ITGA4: variants seen among roughly 807,000 people sequenced by gnomAD.
ITGA4 encodes the protein integrin subunit alpha 4, also known as integrin alpha-4.
ITGA4 carries 63 observed loss-of-function variants against 133.6 expected under a neutral mutation model. The ratio of observed to expected loss-of-function variants is 0.47; its 90% CI spans 0.38 to 0.58. The LOEUF (loss-of-function observed/expected upper bound fraction) is 0.58. Among genes scored for constraint, ITGA4 ranks in the 20% least tolerant of loss-of-function variants. The probability of loss-of-function intolerance (pLI) is 0.00; values close to 1 mark genes in which losing one functional copy is unlikely to be tolerated. For synonymous variants in ITGA4, 483 were observed against 438.0 expected (o/e 1.10, Z -1.28); for missense variants, 1,076 against 1,252.7 (o/e 0.86, Z 2.13).
At position 181,516,835 on chromosome 2, in the gene ITGA4, G is replaced by A. The variant is rs755212205; in HGVS notation, c.1922+5060G>A. On this transcript the variant is annotated intron_variant, in intron 17 of 27. Transcript: ENST00000397033. This position sits in a 1 kb window ranked among gnomAD's most constrained non-coding sequence, Gnocchi z 4.0. ...AAGGAGCAACATCTGCCACCATGCTGTTAATTCCCGAAAGAGCTAGTGTGA... is the reference window on the plus strand; with the variant it reads ...AAGGAGCAACATCTGCCACCATGCTATTAATTCCCGAAAGAGCTAGTGTGA... 2.0e-5 allele frequency among the ~76,000 whole-genome samples: 3 copies of A among 152,022 alleles called. No homozygotes were observed. The highest frequency in any genetic ancestry group is 4.4e-5 in the Non-Finnish European group (3 of 67,990).
chr2:181,538,058 T>C lies in ITGA4; in HGVS notation c.*2531T>C, dbSNP rs776550772. Reference sequence around the variant, plus strand: ...AGTTCATCCTGAAACCATTCCCCCATCCACGGAAAAATTGTCTTCCATGAA... The same window carrying C: ...AGTTCATCCTGAAACCATTCCCCCACCCACGGAAAAATTGTCTTCCATGAA... On this transcript the variant is annotated 3_prime_UTR_variant, in exon 28 of 28. Coordinates refer to ENST00000397033, the MANE Select transcript of ITGA4 (RefSeq NM_000885.6). 2.8e-6 allele frequency: 2 copies of C among 710,250 alleles called. No homozygotes were observed. 44.0% of individuals were successfully genotyped at this position (710,250 alleles called of 1,614,324 possible).
chr2:181,495,658 T>C lies in ITGA4; in HGVS notation c.1386-125T>C. On this transcript the variant is annotated intron_variant, in intron 13 of 27. Coordinates refer to ENST00000397033, the MANE Select transcript of ITGA4 (RefSeq NM_000885.6). This position sits in a 1 kb window ranked among gnomAD's most constrained non-coding sequence, Gnocchi z 4.3. ...GCCCTGTGCACAGAAATGTAATTAGTATGTACACACATAATAAGACTCATG... is the reference window on the plus strand; with the variant it reads ...GCCCTGTGCACAGAAATGTAATTAGCATGTACACACATAATAAGACTCATG... 1.3e-6 allele frequency: 1 copy of C among 789,288 alleles called. No individual in the cohort carries two copies. Among genetic ancestry groups the C allele is most frequent in the Non-Finnish European group, 2.0e-6 (1 of 492,614 alleles). 48.9% of individuals were successfully genotyped at this position (789,288 alleles called of 1,614,324 possible). A position where few individuals can be genotyped will look rare whatever the true frequency, so the allele number is the denominator to read the frequency against.
intron 26 of ITGA4, 126 bp downstream of exon 26, chr2:181,534,496 C>T (rs530049016): frequency 3.0e-6 from 2 of 672,326 alleles, no homozygotes; most frequent in South Asian, 3.8e-5. Flanking sequence ...TGGAGGGCCC[C>T]CAATACTTGG....
intron 5 of ITGA4, 145 bp from the exon 6 acceptor site, chr2:181,479,991 TC>T: frequency 8.6e-6 from 4 of 467,414 alleles, no homozygotes; most frequent in Non-Finnish European, 1.4e-5. Context: ...TTTTTTTTTT[TC>T]CTAGTATGTT....
intron 20 of ITGA4, among the ~76,000 whole-genome samples, chr2:181,524,792 T>G (rs1489117853): frequency 6.6e-6 from 1 of 152,126 alleles, no homozygotes; most frequent in Admixed American, 6.5e-5. Context: ...GTTTAAAAAA[T>G]TATATGATTG....
intron 15 of ITGA4, chr2:181,498,998 C>T (rs1008330273): frequency 1.5e-4 from 76 of 514,682 alleles, no homozygotes; most frequent in Non-Finnish European, 1.7e-4. Context: ...TCACATTTGA[C>T]CTCATCATTT....
chr2:181,503,794 A>C (rs1166602030), intron 15 of ITGA4, among the ~76,000 whole-genome samples: 2 of 145,760 alleles, frequency 1.4e-5, no homozygotes, highest in African/African-American at 5.1e-5. Context: ...TCCTCTATGA[A>C]AAGATGTTTC....
chr2:181,458,487 C>T, intron 2 of ITGA4, 170 bp downstream of exon 2: 1 of 700,972 alleles, frequency 1.4e-6, no homozygotes, highest in South Asian at 1.9e-5. Context: ...AAAAGGGATT[C>T]CCTTTCTGTT....
At chr2:181,467,504 C>T (rs549349354) in intron 2 of ITGA4, among the ~76,000 whole-genome samples, 1 of 152,190 alleles carries the variant, frequency 6.6e-6, no homozygotes, top group Admixed American at 6.5e-5. Context: ...GAAAGAAGAC[C>T]TTAGAGTCTG....
Position 181,511,787 on chromosome 2 carries a change from TG to T in ITGA4, c.1922+14del. The T allele has an allele frequency of 7.6e-7, 1 of 1,312,978 alleles. No individual in the cohort carries two copies. Among genetic ancestry groups the T allele is most frequent in the Non-Finnish European group, 1.1e-6 (1 of 909,716 alleles). 81.3% of individuals were successfully genotyped at this position (1,312,978 alleles called of 1,614,324 possible). ...ATTGGGTTTTTGAAGTAAGTATATG[TG>T]GTATATAGTCTCTGTTATTCATCGA... is the stretch of plus-strand genomic sequence containing the variant. On this transcript the variant is annotated intron_variant, in intron 17 of 27. Transcript: ENST00000397033.
At chr2:181,494,956 C>A in intron 12 of ITGA4, 144 bp downstream of exon 12, 1 of 587,066 alleles carries the variant, frequency 1.7e-6, no homozygotes, top group Non-Finnish European at 3.0e-6. Context: ...CTCCTTAATT[C>A]ATTCCTAAAA....
At chr2:181,458,540 C>CT in intron 2 of ITGA4, 1 of 563,322 alleles carries the variant, frequency 1.8e-6, no homozygotes, top group East Asian at 3.0e-5. Context: ...TTGCAGTACT[C>CT]TGACAACTAT....
intron 9 of ITGA4, among the ~76,000 whole-genome samples, chr2:181,484,851 G>T (rs577981408): frequency 6.6e-6 from 1 of 152,262 alleles, no homozygotes; most frequent in East Asian, 1.9e-4. Flanking sequence ...ACAAAAATCA[G>T]AATTTTTCTA....
At position 181,457,815 on chromosome 2, in the gene ITGA4, A is replaced by G; in HGVS notation, c.161A>G (p.Tyr54Cys). 6.2e-7 allele frequency: 1 copy of G among 1,613,494 alleles called. No homozygotes were observed. Among genetic ancestry groups the G allele is most frequent in the Non-Finnish European group, 8.5e-7 (1 of 1,179,896 alleles). Residue 54 changes from tyrosine (Y) to cysteine (C), a missense_variant, in exon 1 of 28, where the codon TAC becomes TGC. Physicochemically the swap from Tyr to Cys is radical, Grantham distance 194 (BLOSUM62 -2). This residue lies in a region of ITGA4 where 436 missense variants were observed against 590.7 expected (regional missense o/e 0.74). Transcript: ENST00000397033. ...GGCCCCCACAACACGCTGTTCGGCTACTCGGTCGTGCTGCACAGCCACGGG... is the reference window on the plus strand; with the variant it reads ...GGCCCCCACAACACGCTGTTCGGCTGCTCGGTCGTGCTGCACAGCCACGGG... Reference protein sequence around the residue: ...YQGPHNTLFGYSVVLHSHGAN... With the variant: ...YQGPHNTLFGCSVVLHSHGAN...
At chr2:181,465,251 C>T (rs2105715366) in intron 2 of ITGA4, among the ~76,000 whole-genome samples, 1 of 152,186 alleles carries the variant, frequency 6.6e-6, no homozygotes, top group South Asian at 2.1e-4. Context: ...ACATTTTATC[C>T]TTTAAACTCT....
In ITGA4 at chr2:181,457,740, C is replaced by T; in HGVS notation, c.86C>T (p.Pro29Leu). 1 of 1,612,990 alleles carries T rather than the reference C, an allele frequency of 6.2e-7. No individual in the cohort carries two copies. The highest frequency in any genetic ancestry group is 8.5e-7 in the Non-Finnish European group (1 of 1,179,800). Residue 29 changes from proline to leucine, a missense_variant, in exon 1 of 28, where the codon CCG (proline) becomes CTG (leucine). Physicochemically the swap from Pro to Leu is moderately conservative, Grantham distance 98. Transcript: ENST00000397033. ...ATGCTGTTGCTGTGCCTGGGGGTCC[C>T]GACCGGCCGCCCCTACAACGTGGAC... ...TVMLLLCLGV[P>L]TGRPYNVDTE... is the part of the protein sequence containing the mutation.
intron 4 of ITGA4, among the ~76,000 whole-genome samples, chr2:181,478,551 A>G (rs155095): frequency 0.74 from 112,842 of 151,836 alleles, 42,399 homozygotes; most frequent in Admixed American, 0.84. Flanking sequence ...ATGAAGAAGC[A>G]GAGGGAGATA....
At chr2:181,531,434 T>C (rs928567047) in intron 24 of ITGA4, among the ~76,000 whole-genome samples, 3 of 152,228 alleles carry the variant, frequency 2.0e-5, no homozygotes, top group East Asian at 3.8e-4. Flanking sequence ...TAAGAACATA[T>C]GCTGCAGTTT....
chr2:181,520,659 C>A (rs911298033), intron 17 of ITGA4, among the ~76,000 whole-genome samples: 1 of 152,056 alleles, frequency 6.6e-6, no homozygotes, highest in Non-Finnish European at 1.5e-5. Flanking sequence ...AGAGAAAGAA[C>A]AAGTATCATG....
Sources: gnomAD v4.1 joint callset for allele counts (sites outside exome capture counted in the v4.1 genomes callset) on GRCh38, gnomAD v4.1.1 for gene constraint, gnomAD v4.1.1 regional missense constraint, Gnocchi (gnomAD v3.1) non-coding constraint, MANE v1.5 for transcripts, NCBI Gene and HGNC (gene_info 2026-07-23, HGNC 2026-07-21) for gene names.